NEGR1: variants seen among roughly 807,000 people sequenced by gnomAD.
NEGR1 encodes the protein IgLON family member 4.
A neutral mutation model predicts 40.9 loss-of-function variants in NEGR1; 10 were observed. The observed-to-expected ratio is 0.24, with a 90% confidence interval of 0.15 to 0.42. The LOEUF is 0.42. Ranked by LOEUF, NEGR1 falls within the 10% of genes least tolerant of loss-of-function variation. The pLI is 1.00. For synonymous variants in NEGR1, 185 were observed against 166.8 expected (o/e 1.11, Z -0.84); for missense variants, 352 against 438.9 (o/e 0.80, Z 1.77).
rs192693272 is a variant in NEGR1, at chr1:72,274,112, G to C, written c.176+8207C>G. On this transcript the variant is annotated intron_variant, in intron 1 of 6. Coordinates refer to ENST00000357731, the MANE Select transcript of NEGR1 (RefSeq NM_173808.3). ...CAAGTCAATACTGCATTGCAGCTTG[G>C]TCCACTGAAGAAGCCATGCCTGAGA... Among the ~76,000 whole-genome samples, 607 of 151,724 alleles carry C rather than the reference G, an allele frequency of 4.0e-3. 5 individuals are homozygous for C. The highest frequency in any genetic ancestry group is 0.014 in the African/African-American group (576 of 41,368).
chr1:72,073,076 T>G (rs972383031), intron 1 of NEGR1, among the ~76,000 whole-genome samples: 1 of 152,132 alleles, frequency 6.6e-6, no homozygotes, highest in Non-Finnish European at 1.5e-5. Context: ...AGGAAAAGGA[T>G]GCAGGATTGA....
intron 2 of NEGR1, among the ~76,000 whole-genome samples, chr1:71,820,587 A>T (rs536694277): frequency 1.4e-4 from 21 of 151,968 alleles, no homozygotes; most frequent in Non-Finnish European, 3.1e-4. Flanking sequence ...ACATGATTAA[A>T]TTAAGTTGCG....
intron 3 of NEGR1, among the ~76,000 whole-genome samples, chr1:71,731,062 G>T (rs1335382696): frequency 6.6e-6 from 1 of 151,946 alleles, no homozygotes; most frequent in Non-Finnish European, 1.5e-5. Flanking sequence ...CAGAAAGCAC[G>T]AATAGAAACT....
intron 2 of NEGR1, among the ~76,000 whole-genome samples, chr1:71,856,301 G>A (rs1659758511): frequency 6.6e-6 from 1 of 152,022 alleles, no homozygotes; most frequent in African/African-American, 2.4e-5. Context: ...AGCAGCCTCC[G>A]TTTGAGGAGG....
intron 1 of NEGR1, among the ~76,000 whole-genome samples, chr1:72,129,244 A>T (rs1418495365): frequency 6.6e-6 from 1 of 152,202 alleles, no homozygotes; most frequent in East Asian, 1.9e-4. Context: ...GTCCTTTTAG[A>T]TACTATTGTT....
chr1:71,910,781 T>C (rs1661402671), intron 2 of NEGR1, among the ~76,000 whole-genome samples: 1 of 152,138 alleles, frequency 6.6e-6, no homozygotes, highest in Non-Finnish European at 1.5e-5. Flanking sequence ...CACTGCAGCC[T>C]CGGCTTCGCA....
At chr1:71,833,878 A>G (rs1384196544) in intron 2 of NEGR1, among the ~76,000 whole-genome samples, 4 of 152,126 alleles carry the variant, frequency 2.6e-5, no homozygotes, top group East Asian at 1.9e-4. Flanking sequence ...TAGGTTTCCA[A>G]TTAGTCTGCA....
chr1:71,676,342 C>T (rs1257637777), intron 4 of NEGR1, among the ~76,000 whole-genome samples: 1 of 151,362 alleles, frequency 6.6e-6, no homozygotes, highest in Non-Finnish European at 1.5e-5. Flanking sequence ...TAACTCTCAA[C>T]TAAAAACTAT....
intron 1 of NEGR1, among the ~76,000 whole-genome samples, chr1:72,223,546 A>G (rs1011076410): frequency 2.0e-5 from 3 of 152,190 alleles, no homozygotes; most frequent in African/African-American, 7.2e-5. Context: ...GGCCGTGACT[A>G]TAATTCCACT....
At chr1:71,808,552 C>A (rs1657864245) in intron 2 of NEGR1, among the ~76,000 whole-genome samples, 3 of 152,106 alleles carry the variant, frequency 2.0e-5, no homozygotes, top group Admixed American at 1.3e-4. Flanking sequence ...TCCACACATG[C>A]AGCTCAAAAG....
intron 1 of NEGR1, among the ~76,000 whole-genome samples, chr1:72,240,268 T>C (rs937178941): frequency 6.6e-6 from 1 of 151,836 alleles, no homozygotes; most frequent in African/African-American, 2.4e-5. Flanking sequence ...ACCATCCACA[T>C]CAATTTGCAA....
At chr1:71,803,845 A>T (rs1260802647) in intron 2 of NEGR1, among the ~76,000 whole-genome samples, 2 of 152,082 alleles carry the variant, frequency 1.3e-5, no homozygotes, top group Non-Finnish European at 2.9e-5. Context: ...ATTTTTGTTG[A>T]TCTTGGTCAT....
At chr1:71,700,756 A>G (rs528329582) in intron 3 of NEGR1, among the ~76,000 whole-genome samples, 23 of 152,178 alleles carry the variant, frequency 1.5e-4, no homozygotes, top group African/African-American at 5.3e-4. Flanking sequence ...TTCACATCCT[A>G]TTCACTAAAG....
chr1:71,408,954 A>T (rs1355838550), intron 6 of NEGR1: 2 of 152,098 alleles, frequency 1.3e-5, no homozygotes, highest in African/African-American at 4.8e-5. Context: ...AAGGGGATGA[A>T]AGATACATTG....
Position 72,053,652 on chromosome 1 carries a change from T to A in NEGR1, c.177-118341A>T, listed in dbSNP as rs951046620. 2.6e-5 allele frequency among the ~76,000 whole-genome samples: 4 copies of A among 151,132 alleles called. No homozygotes were observed. In the South Asian group the frequency reaches 6.2e-4, roughly 23 times the overall value. ...TAACATTAAACTCAAAGGCCACATATCCTCAGCCAAATTATATCTATAATT... is the reference window on the plus strand; with the variant it reads ...TAACATTAAACTCAAAGGCCACATAACCTCAGCCAAATTATATCTATAATT... On this transcript the variant is annotated intron_variant, in intron 1 of 6. Transcript: ENST00000357731.
At chr1:72,155,001 T>C (rs757470019) in intron 1 of NEGR1, among the ~76,000 whole-genome samples, 3 of 151,984 alleles carry the variant, frequency 2.0e-5, no homozygotes, top group Non-Finnish European at 4.4e-5. Context: ...TGTCCCCTAG[T>C]GAAAAAAATA....
In NEGR1 at chr1:72,000,815, A is replaced by G. The variant is rs547676302; in HGVS notation, c.177-65504T>C. ...TTTATTTTATATTCTCAGGATCTAG[A>G]TAGTCAAAATGAAAGAGGAAAGAAA... is the stretch of plus-strand genomic sequence containing the variant. On this transcript the variant is annotated intron_variant, in intron 1 of 6. Transcript: ENST00000357731. 4.6e-5 allele frequency among the ~76,000 whole-genome samples: 7 copies of G among 152,266 alleles called. No homozygotes were observed. The South Asian group carries it at 6.2e-4, about 14-fold the overall frequency.
chr1:71,683,663 A>C (rs1409141880), intron 4 of NEGR1, among the ~76,000 whole-genome samples: 7 of 151,972 alleles, frequency 4.6e-5, no homozygotes, highest in Admixed American at 3.3e-4. Context: ...AAGACTATTA[A>C]AATTATAAAT....
chr1:72,115,483 G>T (rs1447302566), intron 1 of NEGR1, among the ~76,000 whole-genome samples: 1 of 151,682 alleles, frequency 6.6e-6, no homozygotes, highest in Non-Finnish European at 1.5e-5. Flanking sequence ...ATCTTGTTAA[G>T]GCCATTGGAA....
Sources: gnomAD v4.1 joint callset for allele counts (sites outside exome capture counted in the v4.1 genomes callset) on GRCh38, gnomAD v4.1.1 for gene constraint, MANE v1.5 for transcripts, NCBI Gene and HGNC (gene_info 2026-07-23, HGNC 2026-07-21) for gene names.